The following LIX1L variants were observed in gnomAD, a reference collection of about 807,000 sequenced individuals.
LIX1L encodes limb and CNS expressed 1 like.
LIX1L carries 20 observed loss-of-function variants against 34.0 expected under a neutral mutation model. The observed-to-expected ratio is 0.59, with a 90% confidence interval of 0.41 to 0.85. The LOEUF (loss-of-function observed/expected upper bound fraction) is 0.85. LIX1L is among the 40% of genes least tolerant of loss of function. LIX1L has a pLI of 0.00. For missense variants in LIX1L, 397 were observed against 447.0 expected (o/e 0.89, Z 1.01); for synonymous variants, 170 against 187.4 (o/e 0.91, Z 0.76).
intron 1 of LIX1L, among the ~76,000 whole-genome samples, chr1:145,952,808 G>A (rs782426561): frequency 5.5e-4 from 84 of 152,088 alleles, no homozygotes; most frequent in African/African-American, 1.9e-3. Context: ...ACGGGGTTTC[G>A]CCATGTTGGC....
chr1:145,954,990 C>T (rs1649423471), intron 1 of LIX1L, among the ~76,000 whole-genome samples: 1 of 152,222 alleles, frequency 6.6e-6, no homozygotes, highest in Non-Finnish European at 1.5e-5. Flanking sequence ...GCCTGCTTTA[C>T]TACACCATTA....
At chr1:145,945,932 CAAAAAAAAAA>C (rs782015208) in intron 2 of LIX1L, among the ~76,000 whole-genome samples, 3 of 71,914 alleles carry the variant, frequency 4.2e-5, no homozygotes, top group Non-Finnish European at 9.2e-5. Flanking sequence ...CTAAAAATAC[CAAAAAAAAAA>C]AAAAAAAAAA....
intron 2 of LIX1L, among the ~76,000 whole-genome samples, chr1:145,946,842 C>G (rs992830802): frequency 2.0e-5 from 3 of 152,110 alleles, no homozygotes; most frequent in Admixed American, 2.0e-4. Flanking sequence ...ATATGGAAAA[C>G]AGAACAAAGG....
intron 1 of LIX1L, among the ~76,000 whole-genome samples, chr1:145,956,213 T>A (rs944491105): frequency 6.6e-6 from 1 of 152,172 alleles, no homozygotes; most frequent in Admixed American, 6.5e-5. Flanking sequence ...TGTCTTATAA[T>A]AGGAGTTCAA....
intron 3 of LIX1L, among the ~76,000 whole-genome samples, chr1:145,938,584 CTT>C (rs56063107): frequency 3.4e-5 from 5 of 145,942 alleles, no homozygotes; most frequent in African/African-American, 7.5e-5. Context: ...TAAAAATTTC[CTT>C]TTTTTTTTTT....
intron 1 of LIX1L, among the ~76,000 whole-genome samples, chr1:145,950,615 C>A (rs930128478): frequency 6.6e-6 from 1 of 151,808 alleles, no homozygotes; most frequent in African/African-American, 2.4e-5. Context: ...ATCCGCCCGC[C>A]TCGGCCTCCC....
intron 2 of LIX1L, among the ~76,000 whole-genome samples, chr1:145,946,671 G>A (rs73006805): frequency 0.019 from 2,921 of 152,188 alleles, 71 homozygotes; most frequent in African/African-American, 0.057. Context: ...GGGATTTAAC[G>A]AGAAAGAAGA....
At chr1:145,942,541 G>A (rs1159114618) in intron 3 of LIX1L, among the ~76,000 whole-genome samples, 172 bp downstream of exon 3, 5 of 152,162 alleles carry the variant, frequency 3.3e-5, no homozygotes, top group African/African-American at 1.2e-4. Flanking sequence ...TAGAGACTGC[G>A]ACAGGTGGAG....
chr1:145,945,520 G>T (rs1553759137), intron 2 of LIX1L, among the ~76,000 whole-genome samples: 2 of 151,986 alleles, frequency 1.3e-5, no homozygotes, highest in Middle Eastern at 3.4e-3. Context: ...GCCGAGGTGG[G>T]CGGATTGCTT....
intron 1 of LIX1L, among the ~76,000 whole-genome samples, chr1:145,953,557 A>C (rs1263748300): frequency 1.3e-5 from 2 of 152,146 alleles, no homozygotes; most frequent in Non-Finnish European, 2.9e-5. Context: ...GGAAGGAGAG[A>C]CTGCAAAGTA....
At chr1:145,945,809 T>C (rs1649083346) in intron 2 of LIX1L, among the ~76,000 whole-genome samples, 1 of 145,544 alleles carries the variant, frequency 6.9e-6, no homozygotes, top group South Asian at 2.2e-4. Context: ...AAGCACAGGC[T>C]GGGCGCAGTG....
Position 145,957,817 on chromosome 1 carries a change from T to C in LIX1L, c.111A>G (p.Thr37=). 1 of 1,388,544 alleles carries C rather than the reference T, an allele frequency of 7.2e-7. No individual in the cohort carries two copies. Among genetic ancestry groups the C allele is most frequent in the Non-Finnish European group, 9.3e-7 (1 of 1,073,254 alleles). The allele number at this position is 1,388,544 out of a possible 1,614,324, so 86.0% of individuals were successfully genotyped here. ...GGGCAGGCGGGGGGCCCGCAGGGGGTGTGGCGGTGGCGGCCGCGGCCCCAG... is the reference window on the plus strand; with the variant it reads ...GGGCAGGCGGGGGGCCCGCAGGGGGCGTGGCGGTGGCGGCCGCGGCCCCAG... ...GVTGAAAATA[T]PPAGPPPAPP... is the part of the protein sequence containing the mutation. Residue 37 remains threonine, a synonymous_variant, in exon 1 of 6, where the codon ACA becomes ACG. Transcript: ENST00000604000.
chr1:145,957,025 G>T (rs1649495342), intron 1 of LIX1L, among the ~76,000 whole-genome samples: 1 of 152,186 alleles, frequency 6.6e-6, no homozygotes, highest in Admixed American at 6.5e-5. Context: ...GTAAGGTACT[G>T]AGCCACAGGA....
Position 145,942,785 on chromosome 1 carries a change from A to G in LIX1L, c.525T>C (p.Asn175=), listed in dbSNP as rs1559240179. Residue 175 remains asparagine (N), a synonymous_variant, in exon 3 of 6, where the codon AAT becomes AAC. Transcript: ENST00000604000. The stretch of plus-strand genomic sequence containing the variant: ...CAGTGATTCTTCGGGAAGGATGTTC[A>G]TTAAACACAGAATTCATTAGCGCAA... ...AKIALMNSVF[N]EHPSRRITDE... is the part of the protein sequence containing the mutation. 4 of 1,614,178 alleles carry G rather than the reference A, an allele frequency of 2.5e-6. No individual in the cohort carries two copies. Among genetic ancestry groups the G allele is most frequent in the East Asian group, 2.2e-5 (1 of 44,890 alleles).
chr1:145,940,533 T>C (rs1553758500), intron 3 of LIX1L, among the ~76,000 whole-genome samples: 2 of 150,170 alleles, frequency 1.3e-5, no homozygotes, highest in African/African-American at 4.9e-5. Flanking sequence ...TTTTTCTTTT[T>C]TTTTTTCCTT....
Position 145,947,622 on chromosome 1 carries a change from G to A in LIX1L, c.453C>T (p.Phe151=), listed in dbSNP as rs1649159264. Reference sequence around the variant, plus strand: ...ACTGCCACCTCACAACTCTTACCTGGAAACTCCCAAAGCAGCTTCCCCCAG... The same window carrying A: ...ACTGCCACCTCACAACTCTTACCTGAAAACTCCCAAAGCAGCTTCCCCCAG... The part of the protein sequence containing the change: ...TLPGGSCFGS[F]QFCPTKAEAR... Residue 151 remains phenylalanine (F), a synonymous_variant, in exon 2 of 6, where the codon TTC becomes TTT. Coordinates refer to ENST00000604000, the MANE Select transcript of LIX1L (RefSeq NM_153713.3). 1 of 1,613,662 alleles carries A rather than the reference G, an allele frequency of 6.2e-7. No homozygotes were observed. The highest frequency in any genetic ancestry group is 8.5e-7 in the Non-Finnish European group (1 of 1,179,802).
At chr1:145,949,733 C>T (rs1422661059) in intron 1 of LIX1L, among the ~76,000 whole-genome samples, 1 of 151,692 alleles carries the variant, frequency 6.6e-6, no homozygotes, top group Non-Finnish European at 1.5e-5. Flanking sequence ...GGGTTCCAAA[C>T]ATTTCAAATA....
chr1:145,949,841 G>A, intron 1 of LIX1L, among the ~76,000 whole-genome samples: 1 of 142,832 alleles, frequency 7.0e-6, no homozygotes, highest in East Asian at 2.0e-4. Flanking sequence ...TTTTGAGACA[G>A]AATCTCACTC....
chr1:145,945,316 AAG>A (rs1649060323), intron 2 of LIX1L, among the ~76,000 whole-genome samples: 2 of 151,160 alleles, frequency 1.3e-5, no homozygotes, highest in Non-Finnish European at 2.9e-5. Context: ...AAAAAAAAAA[AAG>A]TTTAGGCTAA....
Sources: allele counts gnomAD v4.1 joint callset (sites outside exome capture counted in the v4.1 genomes callset), GRCh38; gene constraint gnomAD v4.1.1; transcripts MANE v1.5; gene names NCBI Gene and HGNC (gene_info 2026-07-23, HGNC 2026-07-21).